Variants in FILIP1L observed in about 807,000 individuals in gnomAD.
The protein encoded by FILIP1L is filamin A-interacting protein 1-like.
In FILIP1L, 55 loss-of-function variants were observed where a neutral mutation model predicts 96.6. That is an observed-to-expected ratio of 0.57 (90% CI 0.46 to 0.71). FILIP1L has a LOEUF of 0.71. FILIP1L is among the 30% of genes least tolerant of loss of function. FILIP1L has a pLI of 0.00. For synonymous variants in FILIP1L, 467 were observed against 473.9 expected (o/e 0.99, Z 0.19); for missense variants, 1,304 against 1,321.2 (o/e 0.99, Z 0.20).
At chr3:99,894,187 G>A (rs1420672741) in intron 4 of FILIP1L, among the ~76,000 whole-genome samples, 1 of 152,176 alleles carries the variant, frequency 6.6e-6, no homozygotes, top group African/African-American at 2.4e-5. Flanking sequence ...TAGAAAAGGA[G>A]ATAGGATGGT....
At chr3:99,856,430 T>C (rs116576028) in intron 4 of FILIP1L, among the ~76,000 whole-genome samples, 2,690 of 152,300 alleles carry the variant, frequency 0.018, 71 homozygotes, top group African/African-American at 0.061. Context: ...GGAGTACTCA[T>C]ATTCATGTTC....
At chr3:99,857,734 A>G (rs1249188119) in intron 4 of FILIP1L, among the ~76,000 whole-genome samples, 3 of 152,242 alleles carry the variant, frequency 2.0e-5, no homozygotes, top group African/African-American at 7.2e-5. Flanking sequence ...TATTGTTTCT[A>G]TTAGTTTCAG....
intron 1 of FILIP1L, among the ~76,000 whole-genome samples, chr3:99,931,476 T>C (rs2107663792): frequency 6.6e-6 from 1 of 152,312 alleles, no homozygotes; most frequent in Non-Finnish European, 1.5e-5. Flanking sequence ...GTTGGGAGCT[T>C]TTATGGGGTT....
chr3:100,101,800 G>A (rs994615835), intron 1 of FILIP1L, among the ~76,000 whole-genome samples: 1 of 152,016 alleles, frequency 6.6e-6, no homozygotes, highest in Non-Finnish European at 1.5e-5. Context: ...GCCCCAGTGT[G>A]TGATGTTCCC....
intron 4 of FILIP1L, among the ~76,000 whole-genome samples, chr3:99,863,587 G>A (rs1287130559): frequency 6.6e-6 from 1 of 152,092 alleles, no homozygotes; most frequent in Non-Finnish European, 1.5e-5. Context: ...TAGGTCATTT[G>A]GGGTTTTCAT....
chr3:99,983,614 G>A (rs776400579), intron 1 of FILIP1L, among the ~76,000 whole-genome samples: 2 of 146,458 alleles, frequency 1.4e-5, no homozygotes, highest in Admixed American at 6.9e-5. Flanking sequence ...TGCTTGAACC[G>A]GGGAGGCGGA....
At chr3:100,003,376 C>G (rs1017652740) in intron 1 of FILIP1L, among the ~76,000 whole-genome samples, 1 of 152,184 alleles carries the variant, frequency 6.6e-6, no homozygotes, top group African/African-American at 2.4e-5. Context: ...TCTTCCCTTA[C>G]GTGGTTGTTT....
chr3:100,053,445 T>C (rs2065407221), intron 1 of FILIP1L, among the ~76,000 whole-genome samples: 1 of 152,206 alleles, frequency 6.6e-6, no homozygotes, highest in Non-Finnish European at 1.5e-5. Flanking sequence ...CCGCTGTCTT[T>C]ACATAGTTGT....
chr3:99,854,664 A>G (rs1943868513), intron 4 of FILIP1L, among the ~76,000 whole-genome samples: 1 of 124,954 alleles, frequency 8.0e-6, no homozygotes, highest in Non-Finnish European at 1.7e-5. Context: ...AAATGTTTCC[A>G]GACATTGCCA....
At chr3:99,985,682 G>A (rs1324929833) in intron 1 of FILIP1L, among the ~76,000 whole-genome samples, 1 of 151,722 alleles carries the variant, frequency 6.6e-6, no homozygotes, top group African/African-American at 2.4e-5. Context: ...TCCGTCTCCT[G>A]GGTTCAAGCA....
intron 5 of FILIP1L, among the ~76,000 whole-genome samples, chr3:99,831,840 A>G (rs138001112): frequency 1.0e-3 from 158 of 152,344 alleles, no homozygotes; most frequent in African/African-American, 3.7e-3. Flanking sequence ...TGGTTGGCCT[A>G]CCACACTTGG....
chr3:99,987,712 C>T (rs1709386813), intron 1 of FILIP1L, among the ~76,000 whole-genome samples: 1 of 152,058 alleles, frequency 6.6e-6, no homozygotes, highest in East Asian at 1.9e-4. Flanking sequence ...GTCCCAAGAC[C>T]TCAGTTATTT....
At chr3:100,104,612 C>T (rs895210828) in intron 1 of FILIP1L, among the ~76,000 whole-genome samples, 21 of 152,186 alleles carry the variant, frequency 1.4e-4, no homozygotes, top group African/African-American at 4.3e-4. Context: ...CCAAGGCCTG[C>T]TTTGCATGCC....
intron 1 of FILIP1L, among the ~76,000 whole-genome samples, chr3:100,016,552 T>A (rs1710346054): frequency 6.6e-6 from 1 of 152,180 alleles, no homozygotes; most frequent in Admixed American, 6.5e-5. Flanking sequence ...TGAGGGTGCC[T>A]TGCTGAAACT....
At chr3:99,919,591 C>G (rs980581651) in intron 4 of FILIP1L, among the ~76,000 whole-genome samples, 4 of 151,636 alleles carry the variant, frequency 2.6e-5, no homozygotes, top group Admixed American at 2.0e-4. Flanking sequence ...GTTTCCAAAT[C>G]CTCTAGAAAG....
chr3:99,920,059 C>A (rs1322077215), intron 4 of FILIP1L, among the ~76,000 whole-genome samples: 1 of 152,092 alleles, frequency 6.6e-6, no homozygotes, highest in Non-Finnish European at 1.5e-5. Context: ...CCTACTAGGC[C>A]AAGATTTTAT....
At chr3:100,108,296 G>A (rs1325941921) in intron 1 of FILIP1L, among the ~76,000 whole-genome samples, 3 of 152,074 alleles carry the variant, frequency 2.0e-5, no homozygotes, top group Non-Finnish European at 4.4e-5. Context: ...TAGATCCAAG[G>A]TATAGCACCA....
At chr3:100,095,841 G>T (rs2066196982) in intron 1 of FILIP1L, among the ~76,000 whole-genome samples, 1 of 152,028 alleles carries the variant, frequency 6.6e-6, no homozygotes, top group Non-Finnish European at 1.5e-5. Context: ...GAAACCCACA[G>T]AACGGGAGAA....
In FILIP1L at chr3:99,850,570, A is replaced by G. The variant is rs1486389461; in HGVS notation, c.1106T>C (p.Met369Thr). ...TTTCCTGAGCTCTTCCACTTCAGCC[A>G]TGATACCAGCGTTTCCATATTCTCC... is the stretch of plus-strand genomic sequence containing the variant. ...SKGEYGNAGI[M>T]AEVEELRKRV... Residue 369 changes from methionine to threonine, a missense_variant, in exon 5 of 6, where the codon ATG (methionine) becomes ACG (threonine). Transcript: ENST00000477258. 6.2e-7 allele frequency: 1 copy of G among 1,613,766 alleles called. No individual in the cohort carries two copies. Among genetic ancestry groups the G allele is most frequent in the Admixed American group, 1.7e-5 (1 of 60,000 alleles).
Sources: gnomAD v4.1 joint callset for allele counts (sites outside exome capture counted in the v4.1 genomes callset) on GRCh38, gnomAD v4.1.1 for gene constraint, MANE v1.5 for transcripts, NCBI Gene and HGNC (gene_info 2026-07-23, HGNC 2026-07-21) for gene names.